OTOGL: variants seen among roughly 807,000 people sequenced by gnomAD.
The protein encoded by OTOGL is otogelin like, also known as otogelin-like protein.
OTOGL carries 285 observed loss-of-function variants against 318.5 expected under a neutral mutation model. The observed-to-expected ratio is 0.89, with a 90% CI of 0.81 to 0.99. OTOGL has a LOEUF of 0.99. OTOGL is among the 50% of genes least tolerant of loss of function. The probability of loss-of-function intolerance (pLI) is 0.00; values close to 1 mark genes in which losing one functional copy is unlikely to be tolerated. For missense variants in OTOGL, 2,899 were observed against 2,845.6 expected, an observed-to-expected ratio of 1.02 and a Z score of -0.43; for synonymous variants, 987 against 936.5, an observed-to-expected ratio of 1.05 and a Z score of -0.99.
chr12:80,358,476 C>T, intron 50 of OTOGL, 127 bp downstream of exon 50: 1 of 850,148 alleles, frequency 1.2e-6, no homozygotes, highest in Non-Finnish European at 1.8e-6. Flanking sequence ...TATCCTAGCA[C>T]CAGTACTCTT....
rs1481152032 is a variant in OTOGL, at chr12:80,261,982, A to G, written c.1903A>G (p.Met635Val). 3.1e-6 allele frequency: 5 copies of G among 1,612,010 alleles called. No homozygotes were observed. The Admixed American group carries it at 5.0e-5, about 16-fold the overall frequency. The change falls in exon 19 of 59, where the codon ATG becomes GTG. Residue 635 changes from methionine to valine, a missense_variant. By Grantham distance (21) the Met-to-Val change is conservative. Coordinates refer to ENST00000547103, the MANE Select transcript of OTOGL (RefSeq NM_001378609.3). ...IRDDFLSPSGMIEGTPQLHAN... is the reference protein window; with the variant it reads ...IRDDFLSPSGVIEGTPQLHAN... The stretch of plus-strand genomic sequence containing the variant: ...TTTGCTTTCTAGTTCTCCATCAGGC[A>G]TGATAGAAGGTACACCACAACTTCA...
rs573692301 is a variant in OTOGL, at chr12:80,292,422, C to T, written c.2929-4405C>T. 5.3e-5 allele frequency among the ~76,000 whole-genome samples: 8 copies of T among 152,338 alleles called. No individual in the cohort carries two copies. The East Asian group carries it at 1.5e-3, about 29-fold the overall frequency. On this transcript the variant is annotated intron_variant, in intron 26 of 58. Coordinates refer to ENST00000547103, the MANE Select transcript of OTOGL (RefSeq NM_001378609.3). The stretch of plus-strand genomic sequence containing the variant: ...AACTCTTGTTCTGCCCAGTATTGGG[C>T]CAGCAATCCTCATGAACACATCTGC...
At position 80,355,224 on chromosome 12, in the gene OTOGL, C is replaced by CTTTTTTTTTTTTTTTTTTTT. The variant is rs11343611; in HGVS notation, c.5594-508_5594-507insTTTTTTTTTTTTTTTTTTTT. Among the ~76,000 whole-genome samples the CTTTTTTTTTTTTTTTTTTTT allele has an allele frequency of 5.2e-4, 34 of 65,606 alleles. 2 individuals carry two copies. The highest frequency in any genetic ancestry group is 8.0e-4 in the Non-Finnish European group (27 of 33,712). The allele number at this position is 65,606 out of a possible 152,430, so 43.0% of individuals were successfully genotyped here. ...ACTTTTTTCTTTTCTTTCTTTCTTT[C>CTTTTTTTTTTTTTTTTTTTT]TTTTCTTTTTTTTTTTTTTTTTTTG... is the stretch of plus-strand genomic sequence containing the variant. On this transcript the variant is annotated intron_variant, in intron 46 of 58. Coordinates refer to ENST00000547103, the MANE Select transcript of OTOGL (RefSeq NM_001378609.3).
chr12:80,284,687 G>A (rs535268162), intron 26 of OTOGL, among the ~76,000 whole-genome samples: 6 of 152,250 alleles, frequency 3.9e-5, no homozygotes, highest in African/African-American at 1.4e-4. Context: ...CTTTTGAGAA[G>A]TGTCTGTTCA....
At chr12:80,133,220 T>C (rs953667347) in intron 1 of OTOGL, among the ~76,000 whole-genome samples, 8 of 152,272 alleles carry the variant, frequency 5.3e-5, no homozygotes, top group African/African-American at 1.4e-4. Context: ...TATTTTGTTA[T>C]ATTAAGTGCC....
At position 80,147,361 on chromosome 12, in the gene OTOGL, G is replaced by A. The variant is rs527488657; in HGVS notation, c.-20+47756G>A. The stretch of plus-strand genomic sequence containing the variant: ...TTGTTCAGTTTCCATGTAGTTGAGC[G>A]GTTTTGAGTGAGACTCTTAATCCTG... On this transcript the variant is annotated intron_variant, in intron 1 of 58. Transcript: ENST00000547103. Among the ~76,000 whole-genome samples, 719 of 146,486 alleles carry A rather than the reference G, an allele frequency of 4.9e-3. 4 individuals are homozygous for A. The highest frequency in any genetic ancestry group is 8.0e-3 in the Non-Finnish European group (535 of 66,946).
Position 80,355,651 on chromosome 12 carries a change from G to T in OTOGL, c.5594-85G>T, listed in dbSNP as rs557576476. The stretch of plus-strand genomic sequence containing the variant: ...ACACATCATTATGTCACTGGGCCAT[G>T]TCACAGTCTGAAACCAAAACATGGT... On this transcript the variant is annotated intron_variant, in intron 46 of 58. Transcript: ENST00000547103. 1.1e-5 allele frequency: 12 copies of T among 1,078,594 alleles called. No individual in the cohort carries two copies. The East Asian group carries it at 1.5e-4, about 14-fold the overall frequency. The allele number at this position is 1,078,594 out of a possible 1,614,324, so 66.8% of individuals were successfully genotyped here. A position where few individuals can be genotyped will look rare whatever the true frequency, so the allele number is the denominator to read the frequency against.
chr12:80,352,854 A>G (rs941181601), intron 45 of OTOGL, among the ~76,000 whole-genome samples: 3 of 152,240 alleles, frequency 2.0e-5, no homozygotes, highest in African/African-American at 7.2e-5. Context: ...CTAAAACATC[A>G]TTTATAAACT....
chr12:80,321,246 C>T, intron 34 of OTOGL, among the ~76,000 whole-genome samples: 1 of 152,158 alleles, frequency 6.6e-6, no homozygotes, highest in Middle Eastern at 3.2e-3. Flanking sequence ...TTTTCTGCAG[C>T]AAGCTTCACT....
At chr12:80,291,706 T>C (rs1885054944) in intron 26 of OTOGL, among the ~76,000 whole-genome samples, 1 of 152,214 alleles carries the variant, frequency 6.6e-6, no homozygotes, top group African/African-American at 2.4e-5. Context: ...TATCTGTAAA[T>C]ATTCCATCCT....
intron 27 of OTOGL, among the ~76,000 whole-genome samples, chr12:80,300,588 GGCCCAC>G (rs1434500655): frequency 6.6e-6 from 1 of 152,076 alleles, no homozygotes; most frequent in Non-Finnish European, 1.5e-5. Context: ...CCCAAGAGGG[GGCCCAC>G]TTCTGAGCAA....
intron 26 of OTOGL, among the ~76,000 whole-genome samples, chr12:80,279,418 T>A (rs1193785346): frequency 2.0e-5 from 3 of 151,414 alleles, no homozygotes; most frequent in Non-Finnish European, 4.4e-5. Flanking sequence ...ACCCAATAGA[T>A]AGTTTTTTGA....
chr12:80,160,159 GGAAAA>G (rs1873408135), intron 1 of OTOGL, among the ~76,000 whole-genome samples: 1 of 151,948 alleles, frequency 6.6e-6, no homozygotes, highest in African/African-American at 2.4e-5. Flanking sequence ...AGATAACGTA[GGAAAA>G]ACCCTTCTAG....
intron 1 of OTOGL, among the ~76,000 whole-genome samples, chr12:80,204,891 CA>C (rs1488826951): frequency 3.3e-5 from 5 of 152,022 alleles, no homozygotes; most frequent in Non-Finnish European, 7.4e-5. Context: ...GAAGTTGGTA[CA>C]AAATCTTTTT....
intron 1 of OTOGL, among the ~76,000 whole-genome samples, chr12:80,165,169 T>C (rs1873755963): frequency 1.3e-5 from 2 of 152,232 alleles, no homozygotes. Context: ...TCTTGTCTTA[T>C]GTCTGTCCAG....
intron 1 of OTOGL, among the ~76,000 whole-genome samples, chr12:80,112,300 G>A (rs899751123): frequency 7.2e-5 from 11 of 152,210 alleles, no homozygotes; most frequent in Non-Finnish European, 1.5e-4. Flanking sequence ...AGTTGTGAGA[G>A]AGGGCATTCT....
At chr12:80,114,426 C>T (rs11114322) in intron 1 of OTOGL, among the ~76,000 whole-genome samples, 97,281 of 152,046 alleles carry the variant, frequency 0.64, 31,947 homozygotes, top group African/African-American at 0.78. Context: ...TCTTTAAGAA[C>T]GTTGCATATT....
At chr12:80,210,452 G>A (rs1216245951) in intron 2 of OTOGL, among the ~76,000 whole-genome samples, 1 of 152,060 alleles carries the variant, frequency 6.6e-6, no homozygotes, top group Non-Finnish European at 1.5e-5. Context: ...CAAGGAGAAC[G>A]ATGTCACAGA....
intron 1 of OTOGL, among the ~76,000 whole-genome samples, chr12:80,124,779 T>C (rs1870709807): frequency 6.6e-6 from 1 of 152,002 alleles, no homozygotes; most frequent in African/African-American, 2.4e-5. Context: ...GATTCCTAGG[T>C]ATTTTATTCT....
Sources: gnomAD v4.1 joint callset for allele counts (sites outside exome capture counted in the v4.1 genomes callset) on GRCh38, gnomAD v4.1.1 for gene constraint, MANE v1.5 for transcripts, NCBI Gene and HGNC (gene_info 2026-07-23, HGNC 2026-07-21) for gene names.